TTLL12: variants seen among roughly 807,000 people sequenced by gnomAD.
The protein encoded by TTLL12 is tubulin--tyrosine ligase-like protein 12.
Under a neutral mutation model 79.6 loss-of-function variants are expected in TTLL12, and 77 were observed. That is an observed-to-expected ratio of 0.97 (90% CI 0.81 to 1.17). The LOEUF (loss-of-function observed/expected upper bound fraction) is 1.17, where lower values mean the gene tolerates loss of function less well. Among genes scored for constraint, TTLL12 ranks in the 50% most tolerant of loss-of-function variants. TTLL12 has a pLI of 0.00. For missense variants in TTLL12, 969 were observed against 895.9 expected, an observed-to-expected ratio of 1.08 and a Z score of -1.04; for synonymous variants, 437 against 376.1, an observed-to-expected ratio of 1.16 and a Z score of -1.87.
chr22:43,174,968 A>G lies in TTLL12; in HGVS notation c.918-353T>C, dbSNP rs570995118. Among the ~76,000 whole-genome samples the G allele has an allele frequency of 5.2e-5, 8 of 152,382 alleles. No individual in the cohort carries two copies. The East Asian group carries it at 1.3e-3, about 26-fold the overall frequency. ...ACAAGAGGATGAGGCTGGGGCCACC[A>G]ATCTCAGACAGGCACACCAAGGGCC... On this transcript the variant is annotated intron_variant, in intron 6 of 13. Transcript: ENST00000216129.
intron 10 of TTLL12, among the ~76,000 whole-genome samples, chr22:43,172,105 T>G (rs1931782128): frequency 6.6e-6 from 1 of 152,220 alleles, no homozygotes; most frequent in African/African-American, 2.4e-5. Context: ...AGTGAGGTGC[T>G]AGCTGTGAAG....
chr22:43,178,675 C>T lies in TTLL12; in HGVS notation c.840+944G>A, dbSNP rs113895917. On this transcript the variant is annotated intron_variant, in intron 5 of 13. Coordinates refer to ENST00000216129, the MANE Select transcript of TTLL12 (RefSeq NM_015140.4). ...TCGTCTAACCCTTCCCGAAACCCTC[C>T]GAGGCACTTAGTGAGCGCCTGGTGT... 3.9e-3 allele frequency among the ~76,000 whole-genome samples: 598 copies of T among 152,256 alleles called. 3 individuals carry two copies. Among genetic ancestry groups the T allele is most frequent in the African/African-American group, 0.012 (498 of 41,560 alleles).
Position 43,172,416 on chromosome 22 carries a change from G to A in TTLL12, c.1480C>T (p.Arg494Trp), listed in dbSNP as rs768259203. ...CCCTCCACTTACCGGTTGGAGAACC[G>A]CAGCCAGAACACATCATACACGAAC... Reference protein sequence around the residue: ...RLFVYDVFWLRFSNRAFALND... With the variant: ...RLFVYDVFWLWFSNRAFALND... The change falls in exon 10 of 14, where the codon CGG (arginine) becomes TGG (tryptophan). Residue 494 changes from arginine (R) to tryptophan (W), a missense_variant. Transcript: ENST00000216129. 5.0e-6 allele frequency: 8 copies of A among 1,613,914 alleles called. No individual in the cohort carries two copies. Among genetic ancestry groups the A allele is most frequent in the Admixed American group, 3.3e-5 (2 of 59,996 alleles).
rs377046888 is a variant in TTLL12, at chr22:43,179,914, C to T, written c.633G>A (p.Thr211=). ...GCTGCGGCATGTAGAAGAAGGGTGCCGTGGCGAAGCTGGGCACGTCCGCGT... is the reference window on the plus strand; with the variant it reads ...GCTGCGGCATGTAGAAGAAGGGTGCTGTGGCGAAGCTGGGCACGTCCGCGT... The part of the protein sequence containing the change: ...IQHADVPSFA[T]APFFYMPQQV... The change falls in exon 4 of 14, where the codon ACG becomes ACA. Residue 211 remains threonine (T), a synonymous_variant. Coordinates refer to ENST00000216129, the MANE Select transcript of TTLL12 (RefSeq NM_015140.4). The T allele has an allele frequency of 1.4e-5, 22 of 1,610,908 alleles. No homozygotes were observed. The highest frequency in any genetic ancestry group is 9.3e-5 in the African/African-American group (7 of 74,918).
At chr22:43,177,335 C>T (rs1931940905) in intron 5 of TTLL12, among the ~76,000 whole-genome samples, 1 of 151,898 alleles carries the variant, frequency 6.6e-6, no homozygotes, top group Non-Finnish European at 1.5e-5. Flanking sequence ...TGCCACTGTA[C>T]TCTAGCCTGG....
At chr22:43,171,668 G>A (rs943599246) in intron 11 of TTLL12, 151 bp downstream of exon 11, 4 of 613,090 alleles carry the variant, frequency 6.5e-6, no homozygotes, top group East Asian at 2.8e-5. Flanking sequence ...TGATGGCAGC[G>A]CTAACAATCG....
chr22:43,168,726 G>T, intron 13 of TTLL12, 48 bp downstream of exon 13: 1 of 1,543,436 alleles, frequency 6.5e-7, no homozygotes, highest in South Asian at 1.2e-5. Flanking sequence ...CTGGCTGGCG[G>T]AGGGGGCGCC....
Position 43,183,165 on chromosome 22 carries a change from C to G in TTLL12, c.178-16G>C, listed in dbSNP as rs1932102272. ...CGTCGAAAACCTGGGGGCCAGAGTT[C>G]CCGTCAGCAGGGGTGTGGGCAGGAG... is the stretch of plus-strand genomic sequence containing the variant. On this transcript the variant is annotated splice_polypyrimidine_tract_variant and intron_variant, in intron 1 of 13. Coordinates refer to ENST00000216129, the MANE Select transcript of TTLL12 (RefSeq NM_015140.4). 6.2e-7 allele frequency: 1 copy of G among 1,613,202 alleles called. No homozygotes were observed. The highest frequency in any genetic ancestry group is 8.5e-7 in the Non-Finnish European group (1 of 1,179,600).
chr22:43,187,083 G>A lies in TTLL12; in HGVS notation c.-14C>T, dbSNP rs1932206124. The stretch of plus-strand genomic sequence containing the variant: ...CTCGGCCTCCATGGCGCCAGCACCC[G>A]CGCCGACTCCAGCGCCGCCACCGCC... On this transcript the variant is annotated 5_prime_UTR_variant, in exon 1 of 14. Coordinates refer to ENST00000216129, the MANE Select transcript of TTLL12 (RefSeq NM_015140.4). The A allele has an allele frequency of 8.7e-7, 1 of 1,145,214 alleles. No homozygotes were observed. The highest frequency in any genetic ancestry group is 1.1e-6 in the Non-Finnish European group (1 of 936,326). 70.9% of individuals were successfully genotyped at this position (1,145,214 alleles called of 1,614,324 possible). A position where few individuals can be genotyped will look rare whatever the true frequency, so the allele number is the denominator to read the frequency against.
At chr22:43,182,151 G>C (rs907409942) in intron 2 of TTLL12, among the ~76,000 whole-genome samples, 5 of 150,486 alleles carry the variant, frequency 3.3e-5, no homozygotes, top group Admixed American at 2.0e-4. Context: ...TTGTAGGCCC[G>C]AGAGAGAACA....
chr22:43,180,037 C>A, intron 3 of TTLL12, 37 bp from the exon 4 acceptor site: 1 of 1,534,664 alleles, frequency 6.5e-7, no homozygotes, highest in South Asian at 1.2e-5. Flanking sequence ...CTCGCTCACC[C>A]ATCCACCCAC....
At chr22:43,176,178 C>G (rs748051089) in intron 6 of TTLL12, 142 bp downstream of exon 6, 5 of 661,150 alleles carry the variant, frequency 7.6e-6, no homozygotes, top group Non-Finnish European at 1.4e-5. Flanking sequence ...CTGCACGTGT[C>G]ACTGCTGTGC....
At position 43,179,692 on chromosome 22, in the gene TTLL12, A is replaced by T; in HGVS notation, c.767T>A (p.Leu256Gln). 6.4e-7 allele frequency: 1 copy of T among 1,572,730 alleles called. No homozygotes were observed. Among genetic ancestry groups the T allele is most frequent in the Non-Finnish European group, 8.6e-7 (1 of 1,160,754 alleles). Residue 256 changes from leucine (L) to glutamine (Q), a missense_variant, in exon 5 of 14, where the codon CTG becomes CAG. By Grantham distance (113) the Leu-to-Gln change is moderately radical. Transcript: ENST00000216129. The part of the protein sequence containing the change: ...ETDPLIRKCM[L>Q]LPWAPTDMLD... ...CATGTCGGTGGGGGCCCAGGGCAGC[A>T]GCATGCACTTCCGGATCAGGGGGTC...
At chr22:43,174,096 C>T (rs376532705) in intron 8 of TTLL12, 113 bp downstream of exon 8, 15 of 1,391,364 alleles carry the variant, frequency 1.1e-5, no homozygotes, top group African/African-American at 2.9e-5. Flanking sequence ...GCCCACAGCT[C>T]GGCTCCTGCA....
intron 12 of TTLL12, 133 bp from the exon 13 acceptor site, chr22:43,169,045 C>G (rs1246014885): frequency 8.3e-7 from 1 of 1,199,740 alleles, no homozygotes; most frequent in Non-Finnish European, 1.1e-6. Context: ...GTCTCTAGAC[C>G]TCACCATGGC....
intron 4 of TTLL12, 28 bp downstream of exon 4, chr22:43,179,813 C>G: frequency 1.9e-6 from 3 of 1,558,172 alleles, no homozygotes; most frequent in Non-Finnish European, 2.6e-6. Flanking sequence ...GAGGCCCCTC[C>G]TCCAGGGCGG....
At chr22:43,181,821 A>T (rs1280880555) in intron 2 of TTLL12, among the ~76,000 whole-genome samples, 2 of 152,156 alleles carry the variant, frequency 1.3e-5, no homozygotes. Flanking sequence ...CCTGTCCTAA[A>T]ATAAGTGGGT....
In TTLL12 at chr22:43,179,892, G is replaced by A; in HGVS notation, c.655C>T (p.Gln219Ter). 6.2e-7 allele frequency: 1 copy of A among 1,610,738 alleles called. No homozygotes were observed. Among genetic ancestry groups the A allele is most frequent in the East Asian group, 2.2e-5 (1 of 44,860 alleles). ...FATAPFFYMP[Q>*]QVAYTLLWPL... ...CACAGCAGCGTGTAGGCCACCTGCT[G>A]CGGCATGTAGAAGAAGGGTGCCGTG... Residue 219 changes from glutamine to a stop codon, truncating the protein, a stop_gained, in exon 4 of 14, where the codon CAG (glutamine) becomes TAG (stop). Coordinates refer to ENST00000216129, the MANE Select transcript of TTLL12 (RefSeq NM_015140.4). LOFTEE classifies it high-confidence loss of function.
At position 43,185,279 on chromosome 22, in the gene TTLL12, A is replaced by C. The variant is rs1245431100; in HGVS notation, c.177+1614T>G. ...TATATATATATATATATATATATAT[A>C]TATATATATATATATATATATGTAT... On this transcript the variant is annotated intron_variant, in intron 1 of 13. Transcript: ENST00000216129. Among the ~76,000 whole-genome samples, 105 of 28,950 alleles carry C rather than the reference A, an allele frequency of 3.6e-3. 27 individuals carry two copies. The highest frequency in any genetic ancestry group is 0.01 in the Non-Finnish European group (81 of 8,064). The allele number at this position is 28,950 out of a possible 152,430, so 19.0% of individuals were successfully genotyped here. A position where few individuals can be genotyped will look rare whatever the true frequency, so the allele number is the denominator to read the frequency against.
Sources: allele counts gnomAD v4.1 joint callset (sites outside exome capture counted in the v4.1 genomes callset), GRCh38; gene constraint gnomAD v4.1.1; transcripts MANE v1.5; gene names NCBI Gene and HGNC (gene_info 2026-07-23, HGNC 2026-07-21).